The following KIAA1671 variants were observed in gnomAD, a reference collection of about 807,000 sequenced individuals.
The protein encoded by KIAA1671 is KIAA1671, also known as uncharacterized protein KIAA1671.
A neutral mutation model predicts 131.2 loss-of-function variants in KIAA1671; 52 were observed. The ratio of observed to expected loss-of-function variants is 0.40; its 90% CI spans 0.32 to 0.50. KIAA1671 has a LOEUF of 0.50. KIAA1671 is among the 20% of genes least tolerant of loss of function. The pLI is 0.73. For synonymous variants in KIAA1671, 1,003 were observed against 961.6 expected (o/e 1.04, Z -0.80); for missense variants, 2,360 against 2,364.2 (o/e 1.00, Z 0.04).
At chr22:25,004,097 G>A (rs940711321) in intron 1 of KIAA1671, among the ~76,000 whole-genome samples, 9 of 151,616 alleles carry the variant, frequency 5.9e-5, no homozygotes, top group East Asian at 1.9e-4. Context: ...GAATACAGGC[G>A]TGAGCCACTG....
At chr22:25,021,988 G>A (rs941085303) in intron 1 of KIAA1671, among the ~76,000 whole-genome samples, 2 of 151,910 alleles carry the variant, frequency 1.3e-5, no homozygotes, top group African/African-American at 4.8e-5. Flanking sequence ...GGGTTTCACC[G>A]TGGTCTCGAT....
chr22:25,131,896 C>G (rs534675714), intron 6 of KIAA1671, among the ~76,000 whole-genome samples: 1 of 152,182 alleles, frequency 6.6e-6, no homozygotes, highest in Non-Finnish European at 1.5e-5. Context: ...GGGGCATAAC[C>G]GCATAGAGTT....
chr22:25,088,169 G>A (rs1253935861), intron 6 of KIAA1671, among the ~76,000 whole-genome samples: 1 of 150,716 alleles, frequency 6.6e-6, no homozygotes, highest in Non-Finnish European at 1.5e-5. Flanking sequence ...GTGCAGTGGT[G>A]CAGTCTCGGC....
At chr22:25,084,877 G>A (rs1000473150) in intron 6 of KIAA1671, among the ~76,000 whole-genome samples, 2 of 152,254 alleles carry the variant, frequency 1.3e-5, no homozygotes, top group Non-Finnish European at 2.9e-5. Flanking sequence ...GTCAACCAGA[G>A]CACTGAAACA....
At chr22:24,998,441 C>T (rs1231568639) in intron 1 of KIAA1671, among the ~76,000 whole-genome samples, 4 of 151,582 alleles carry the variant, frequency 2.6e-5, no homozygotes, top group Non-Finnish European at 5.9e-5. Flanking sequence ...GCATTTGGGC[C>T]GGGCACGGTG....
rs371103117 is a variant in KIAA1671, at chr22:25,181,814, A to G, written c.5190A>G (p.Ala1730=). 3.8e-5 allele frequency: 59 copies of G among 1,551,408 alleles called. No individual in the cohort carries two copies. The African/African-American group carries it at 6.4e-4, about 17-fold the overall frequency. ...CTGCGTTTCCAGGCATGGATCCGGC[A>G]GTGCTAAAGGTACCAGACCTCTCAC... is the stretch of plus-strand genomic sequence containing the variant. ...RMPAFPGMDP[A]VLKAQLHKRP... is the part of the protein sequence containing the mutation. The change falls in exon 10 of 13, where the codon GCA becomes GCG. Residue 1730 remains alanine (A), a synonymous_variant. Coordinates refer to ENST00000358431, the MANE Select transcript of KIAA1671 (RefSeq NM_001145206.2).
intron 6 of KIAA1671, among the ~76,000 whole-genome samples, chr22:25,156,379 G>A (rs1353229141): frequency 6.6e-6 from 1 of 151,786 alleles, no homozygotes; most frequent in Non-Finnish European, 1.5e-5. Context: ...GTATTTGTGT[G>A]TATGCATTTG....
At chr22:25,120,314 T>A (rs546793232) in intron 6 of KIAA1671, among the ~76,000 whole-genome samples, 1 of 152,364 alleles carries the variant, frequency 6.6e-6, no homozygotes, top group Admixed American at 6.5e-5. Context: ...TCTGCTACAG[T>A]GTCGCCAGGC....
In KIAA1671 at chr22:25,028,182, C is replaced by A. The variant is rs1926058550; in HGVS notation, c.183C>A (p.Leu61=). 6.5e-7 allele frequency: 1 copy of A among 1,549,942 alleles called. No homozygotes were observed. Among genetic ancestry groups the A allele is most frequent in the Non-Finnish European group, 8.7e-7 (1 of 1,145,744 alleles). Residue 61 remains leucine (L), a synonymous_variant, in exon 3 of 13, where the codon CTC becomes CTA. Coordinates refer to ENST00000358431, the MANE Select transcript of KIAA1671 (RefSeq NM_001145206.2). ...KSPLRSPARL[L]PLPRLAPKPF... ...CCCTGCGGAGCCCGGCCCGGTTACT[C>A]CCTCTGCCAAGGCTCGCCCCCAAAC... is the stretch of plus-strand genomic sequence containing the variant.
chr22:24,996,120 T>C (rs1021597165), intron 1 of KIAA1671, among the ~76,000 whole-genome samples: 5 of 152,138 alleles, frequency 3.3e-5, no homozygotes, highest in African/African-American at 7.2e-5. Flanking sequence ...GTAAGTCATC[T>C]TCAGGGGAGG....
At position 25,041,493 on chromosome 22, in the gene KIAA1671, T is replaced by G; in HGVS notation, c.4363T>G (p.Trp1455Gly). The G allele has an allele frequency of 1.3e-6, 2 of 1,550,258 alleles. No homozygotes were observed. The highest frequency in any genetic ancestry group is 1.7e-6 in the Non-Finnish European group (2 of 1,146,558). Residue 1455 changes from tryptophan to glycine, a missense_variant, in exon 5 of 13, where the codon TGG becomes GGG. Physicochemically the swap from Trp to Gly is radical, Grantham distance 184. This residue lies in a region of KIAA1671 where 1,161 missense variants were observed against 1,204.7 expected (regional missense o/e 0.96). Transcript: ENST00000358431. ...ENLEAKMGPC[W>G]WESGTGDSHK... The stretch of plus-strand genomic sequence containing the variant: ...TTTGGAGGCCAAAATGGGACCCTGT[T>G]GGTGGGAGTCAGGGACTGGAGACAG...
chr22:25,177,442 G>T lies in KIAA1671; in HGVS notation c.4994G>T (p.Arg1665Leu), dbSNP rs371966904. 1 of 1,551,722 alleles carries T rather than the reference G, an allele frequency of 6.4e-7. No individual in the cohort carries two copies. The highest frequency in any genetic ancestry group is 8.7e-7 in the Non-Finnish European group (1 of 1,146,998). ...GCCCCCATCTCCCACTCCCTCCGGC[G>T]CAGCCGATTTAGTGAGTCCGAGAGC... ...RRAPISHSLR[R>L]SRFSESESRS... Residue 1665 changes from arginine (R) to leucine (L), a missense_variant, in exon 9 of 13, where the codon CGC (arginine) becomes CTC (leucine). Arg to Leu is a moderately radical substitution (Grantham distance 102). This residue lies in a region of KIAA1671 where 1,161 missense variants were observed against 1,204.7 expected (regional missense o/e 0.96). Coordinates refer to ENST00000358431, the MANE Select transcript of KIAA1671 (RefSeq NM_001145206.2).
At chr22:25,119,145 A>G (rs1931818638) in intron 6 of KIAA1671, among the ~76,000 whole-genome samples, 1 of 152,136 alleles carries the variant, frequency 6.6e-6, no homozygotes, top group South Asian at 2.1e-4. Flanking sequence ...AGTGGCTAGG[A>G]GCTCACAGAG....
chr22:24,961,329 T>C (rs1276096331), intron 1 of KIAA1671, among the ~76,000 whole-genome samples: 1 of 152,214 alleles, frequency 6.6e-6, no homozygotes, highest in East Asian at 1.9e-4. Flanking sequence ...TGCTGGAGAC[T>C]CTGTCTCGGA....
intron 5 of KIAA1671, 96 bp from the exon 6 acceptor site, chr22:25,049,134 C>T (rs1221214665): frequency 1.6e-5 from 23 of 1,404,814 alleles, no homozygotes; most frequent in Admixed American, 2.5e-5. Flanking sequence ...TCTTCTTTGC[C>T]CTTTTTGGTA....
chr22:25,041,156 G>A lies in KIAA1671; in HGVS notation c.4026G>A (p.Gln1342=). ...FASKHHVAKC[Q]NYLAESKPSG... is the part of the protein sequence containing the mutation. Reference sequence around the variant, plus strand: ...GTAAACATCATGTTGCAAAGTGTCAGAATTACCTGGCTGAGTCAAAGCCCT... The same window carrying A: ...GTAAACATCATGTTGCAAAGTGTCAAAATTACCTGGCTGAGTCAAAGCCCT... The change falls in exon 5 of 13, where the codon CAG becomes CAA. Residue 1342 remains glutamine, a synonymous_variant. Coordinates refer to ENST00000358431, the MANE Select transcript of KIAA1671 (RefSeq NM_001145206.2). 6.4e-7 allele frequency: 1 copy of A among 1,551,592 alleles called. No homozygotes were observed. The highest frequency in any genetic ancestry group is 8.7e-7 in the Non-Finnish European group (1 of 1,146,910).
chr22:24,967,910 G>C (rs976144066), intron 1 of KIAA1671, among the ~76,000 whole-genome samples: 2 of 152,072 alleles, frequency 1.3e-5, no homozygotes, highest in Non-Finnish European at 2.9e-5. Context: ...GGAGAATGGC[G>C]TGAACCCAGG....
intron 6 of KIAA1671, among the ~76,000 whole-genome samples, chr22:25,122,142 G>A (rs1438608214): frequency 6.6e-6 from 1 of 152,176 alleles, no homozygotes; most frequent in African/African-American, 2.4e-5. Context: ...CACAACGCTT[G>A]GTGCATAATA....
chr22:24,990,234 G>A (rs568031191), intron 1 of KIAA1671, among the ~76,000 whole-genome samples: 2 of 152,196 alleles, frequency 1.3e-5, no homozygotes, highest in South Asian at 2.1e-4. Context: ...GGGATTACAG[G>A]CACCCGCCAT....
Sources: allele counts gnomAD v4.1 joint callset (sites outside exome capture counted in the v4.1 genomes callset), GRCh38; gene constraint gnomAD v4.1.1; regional missense constraint gnomAD v4.1.1; transcripts MANE v1.5; gene names NCBI Gene and HGNC (gene_info 2026-07-23, HGNC 2026-07-21).